The following HAVCR1 variants were observed in gnomAD, a reference collection of about 807,000 sequenced individuals.
The protein encoded by HAVCR1 is T cell immunoglobin domain and mucin domain protein 1.
HAVCR1 carries 34 observed loss-of-function variants against 32.0 expected under a neutral mutation model. That is an observed-to-expected ratio of 1.06 (90% CI 0.81 to 1.42). HAVCR1 has a LOEUF of 1.42. HAVCR1 is among the 40% of genes most tolerant of loss of function. HAVCR1 has a pLI of 0.00. For synonymous variants in HAVCR1, 178 were observed against 170.3 expected (o/e 1.05, Z -0.35); for missense variants, 420 against 442.3 (o/e 0.95, Z 0.45).
chr5:157,067,305 G>A, the HAVCR1 span, among the ~76,000 whole-genome samples: 1 of 152,178 alleles, frequency 6.6e-6, no homozygotes, highest in Non-Finnish European at 1.5e-5. Flanking sequence ...TTAAGGCAAA[G>A]TCCAAACTCT....
chr5:157,038,024 A>AG (rs1491198381), intron 6 of HAVCR1, among the ~76,000 whole-genome samples: 5 of 67,926 alleles, frequency 7.4e-5, no homozygotes, highest in African/African-American at 3.6e-4. Context: ...AGAAAAAAAG[A>AG]AAAAAAAATT....
At position 157,029,457 on chromosome 5, in the gene HAVCR1, A is replaced by G; in HGVS notation, c.*276T>C. 2 of 664,066 alleles carry G rather than the reference A, an allele frequency of 3.0e-6. No homozygotes were observed. Among genetic ancestry groups the G allele is most frequent in the Non-Finnish European group, 5.1e-6 (2 of 391,090 alleles). 41.1% of individuals were successfully genotyped at this position (664,066 alleles called of 1,614,324 possible). A position where few individuals can be genotyped will look rare whatever the true frequency, so the allele number is the denominator to read the frequency against. ...GATTTATGGGGTCTAAAAAGAACAT[A>G]CAATTATAAAGTGTTCATATTTGAG... On this transcript the variant is annotated 3_prime_UTR_variant, in exon 9 of 9. Transcript: ENST00000523175.
chr5:157,069,123 T>G, the HAVCR1 span, among the ~76,000 whole-genome samples: 1 of 152,212 alleles, frequency 6.6e-6, no homozygotes, highest in Non-Finnish European at 1.5e-5. Flanking sequence ...TCCTCCTATT[T>G]CTCACACTAA....
intron 8 of HAVCR1, 107 bp downstream of exon 8, chr5:157,032,747 A>C: frequency 1.4e-6 from 1 of 733,814 alleles, no homozygotes; most frequent in Non-Finnish European, 2.4e-6. Flanking sequence ...GTGGACTGTC[A>C]GGATCCAAGG....
intron 7 of HAVCR1, among the ~76,000 whole-genome samples, chr5:157,035,591 T>A (rs1460460523): frequency 6.6e-6 from 1 of 152,030 alleles, no homozygotes; most frequent in African/African-American, 2.4e-5. Flanking sequence ...GCTAAATGAG[T>A]GTTGCAAAAT....
chr5:157,054,152 C>T lies in HAVCR1; in HGVS notation c.379+1049G>A, dbSNP rs181247938. ...TGAGTAGCAATCACACCACCGCACT[C>T]CAGCCTGCTACCTGGGCAACCGAGT... On this transcript the variant is annotated intron_variant, in intron 3 of 8. Coordinates refer to ENST00000523175, the MANE Select transcript of HAVCR1 (RefSeq NM_001173393.3). Among the ~76,000 whole-genome samples, 178 of 148,304 alleles carry T rather than the reference C, an allele frequency of 1.2e-3. 2 individuals are homozygous for T. Among genetic ancestry groups the T allele is most frequent in the African/African-American group, 4.1e-3 (163 of 39,792 alleles).
chr5:157,054,325 C>A (rs1755984040), intron 3 of HAVCR1, among the ~76,000 whole-genome samples: 1 of 151,372 alleles, frequency 6.6e-6, no homozygotes, highest in Non-Finnish European at 1.5e-5. Context: ...CATGGTGAAA[C>A]CCCATCTCTA....
chr5:157,052,424 C>T lies in HAVCR1; in HGVS notation c.610G>A (p.Val204Met), dbSNP rs965206241. 3.7e-6 allele frequency: 6 copies of T among 1,605,792 alleles called. No individual in the cohort carries two copies. Among genetic ancestry groups the T allele is most frequent in the East Asian group, 2.2e-5 (1 of 44,734 alleles). ...ACAAAGGTAGAGACAGTTGTTGTCACTGGAACACTTGTTGTTGTTGGAATG... is the reference window on the plus strand; with the variant it reads ...ACAAAGGTAGAGACAGTTGTTGTCATTGGAACACTTGTTGTTGTTGGAATG... Reference protein sequence around the residue: ...TSIPTTTSVPVTTTVSTFVPP... With the variant: ...TSIPTTTSVPMTTTVSTFVPP... Residue 204 changes from valine to methionine, a missense_variant, in exon 4 of 9, where the codon GTG becomes ATG. Val to Met is a conservative substitution (Grantham distance 21). Transcript: ENST00000523175.
Sources: allele counts gnomAD v4.1 joint callset (sites outside exome capture counted in the v4.1 genomes callset), GRCh38; gene constraint gnomAD v4.1.1; transcripts MANE v1.5; gene names NCBI Gene and HGNC (gene_info 2026-07-23, HGNC 2026-07-21).